Variants in PPM1B observed in about 807,000 individuals in gnomAD.
PPM1B encodes protein phosphatase 1B.
Under a neutral mutation model 43.0 loss-of-function variants are expected in PPM1B, and 22 were observed. The observed-to-expected ratio is 0.51, with a 90% CI of 0.37 to 0.73. The LOEUF is 0.73. Among genes scored for constraint, PPM1B ranks in the 30% least tolerant of loss-of-function variants. The pLI is 0.00. For synonymous variants in PPM1B, 217 were observed against 197.9 expected, an observed-to-expected ratio of 1.10 and a Z score of -0.81; for missense variants, 632 against 584.2, an observed-to-expected ratio of 1.08 and a Z score of -0.84.
downstream of PPM1B, among the ~76,000 whole-genome samples, chr2:44,238,387 T>C (rs150162385): frequency 3.6e-3 from 544 of 152,326 alleles, 3 homozygotes; most frequent in African/African-American, 0.012. Context: ...ACTTTGGTTC[T>C]ACTGAAGTAT....
chr2:44,189,368 A>G (rs1192677713), intron 1 of PPM1B, among the ~76,000 whole-genome samples: 1 of 152,078 alleles, frequency 6.6e-6, no homozygotes, highest in Non-Finnish European at 1.5e-5. Flanking sequence ...GCATGATCCT[A>G]TTTTACTACA....
intron 1 of PPM1B, among the ~76,000 whole-genome samples, chr2:44,189,000 C>T (rs986914395): frequency 1.3e-5 from 2 of 152,040 alleles, no homozygotes; most frequent in African/African-American, 4.8e-5. Context: ...TCCCGGGTAG[C>T]TGGGACTACA....
At position 44,179,611 on chromosome 2, in the gene PPM1B, G is replaced by A. The variant is rs185764312; in HGVS notation, c.-15+10337G>A. On this transcript the variant is annotated intron_variant, in intron 1 of 5. Transcript: ENST00000282412. ...GGCATAAATATGGAATTACTTTGCC[G>A]TTGGAATGCAGGTGTTTATTTTGTT... 5.9e-5 allele frequency among the ~76,000 whole-genome samples: 9 copies of A among 152,108 alleles called. No homozygotes were observed. In the South Asian group the frequency reaches 1.2e-3, roughly 21 times the overall value.
At chr2:44,209,100 A>G (rs893434736) in intron 2 of PPM1B, 110 bp from the exon 3 acceptor site, 27 of 1,005,812 alleles carry the variant, frequency 2.7e-5, no homozygotes, top group Admixed American at 1.3e-4. Context: ...TGTGTTAAAC[A>G]TAAACGTTCT....
downstream of PPM1B, among the ~76,000 whole-genome samples, chr2:44,246,077 C>G (rs1045052594): frequency 6.6e-6 from 1 of 152,278 alleles, no homozygotes; most frequent in African/African-American, 2.4e-5. Flanking sequence ...CATTATATAT[C>G]CTAACGCCAA....
chr2:44,233,312 GAT>G (rs1670521971), downstream of PPM1B: 1 of 963,736 alleles, frequency 1.0e-6, no homozygotes, highest in Admixed American at 6.2e-5. Context: ...ATACTACAGA[GAT>G]ATTTTCATGG....
downstream of PPM1B, among the ~76,000 whole-genome samples, chr2:44,246,564 C>A (rs77943285): frequency 0.029 from 4,417 of 152,236 alleles, 220 homozygotes; most frequent in African/African-American, 0.1. Context: ...TTACTCAACA[C>A]CCATTAGGTA....
chr2:44,216,901 T>C (rs1439224152), intron 3 of PPM1B, among the ~76,000 whole-genome samples: 1 of 78,406 alleles, frequency 1.3e-5, no homozygotes, highest in Non-Finnish European at 2.9e-5. Context: ...CTCCAGTGTC[T>C]CAAAAAAAAA....
chr2:44,212,650 T>TG (rs1371418970), intron 3 of PPM1B, among the ~76,000 whole-genome samples: 1 of 152,210 alleles, frequency 6.6e-6, no homozygotes, highest in African/African-American at 2.4e-5. Flanking sequence ...CCTCCATTCT[T>TG]GCCTTCTTTT....
At chr2:44,179,002 G>C (rs1421610951) in intron 1 of PPM1B, among the ~76,000 whole-genome samples, 2 of 152,158 alleles carry the variant, frequency 1.3e-5, no homozygotes, top group Non-Finnish European at 2.9e-5. Context: ...CCCCACCCAA[G>C]TCTCATCTTG....
In PPM1B at chr2:44,230,518, A is replaced by T; in HGVS notation, c.1240A>T (p.Met414Leu). 1 of 1,614,148 alleles carries T rather than the reference A, an allele frequency of 6.2e-7. No homozygotes were observed. Among genetic ancestry groups the T allele is most frequent in the Non-Finnish European group, 8.5e-7 (1 of 1,180,010 alleles). Residue 414 changes from methionine (M) to leucine (L), a missense_variant, in exon 6 of 6, where the codon ATG becomes TTG. Transcript: ENST00000282412. ...AAACTACCGACAACTTCTGGAGGAG[A>T]TGCTGACTAGTTACAGGCTAGCTAA... is the stretch of plus-strand genomic sequence containing the variant. ...RGNYRQLLEE[M>L]LTSYRLAKVE...
In PPM1B at chr2:44,211,114, T is replaced by C. The variant is rs187496264; in HGVS notation, c.964+1787T>C. On this transcript the variant is annotated intron_variant, in intron 3 of 5. Transcript: ENST00000282412. ...TCATGCCACTGTACTCTAGCCTGGA[T>C]GACAGAGCAAGACTCCATCTCGGGA... 2.7e-3 allele frequency among the ~76,000 whole-genome samples: 405 copies of C among 152,182 alleles called. 1 individual carries two copies. The highest frequency in any genetic ancestry group is 0.01 in the Middle Eastern group (3 of 294).
intron 5 of PPM1B, among the ~76,000 whole-genome samples, chr2:44,241,746 CTTCA>C (rs1262390033): frequency 6.7e-6 from 1 of 150,296 alleles, no homozygotes; most frequent in East Asian, 2.0e-4. Context: ...CATAAAATGT[CTTCA>C]AAATGATTAT....
At chr2:44,194,540 G>A (rs1481566474) in intron 1 of PPM1B, among the ~76,000 whole-genome samples, 1 of 152,008 alleles carries the variant, frequency 6.6e-6, no homozygotes, top group African/African-American at 2.4e-5. Flanking sequence ...TAGCTAACAC[G>A]GTGAAACCCC....
chr2:44,199,892 T>A (rs945351436), intron 1 of PPM1B, among the ~76,000 whole-genome samples: 3 of 152,184 alleles, frequency 2.0e-5, no homozygotes, highest in African/African-American at 7.2e-5. Flanking sequence ...CAGATTTTTT[T>A]AAATGGCGAT....
chr2:44,186,446 G>T (rs1242844355), intron 1 of PPM1B, among the ~76,000 whole-genome samples: 1 of 152,100 alleles, frequency 6.6e-6, no homozygotes, highest in Admixed American at 6.6e-5. Context: ...TCAGCTCACT[G>T]CACCCTCCAC....
At chr2:44,238,338 A>G (rs1454321157), downstream of PPM1B, among the ~76,000 whole-genome samples, 2 of 152,216 alleles carry the variant, frequency 1.3e-5, no homozygotes, top group African/African-American at 2.4e-5. Flanking sequence ...AATATTTGCT[A>G]TTAAAATTGT....
At chr2:44,232,824 C>G, downstream of PPM1B, 2 of 975,998 alleles carry the variant, frequency 2.0e-6, no homozygotes, top group Non-Finnish European at 2.4e-6. Flanking sequence ...TTCATTTGAG[C>G]AATTTCTATA....
intron 3 of PPM1B, 96 bp downstream of exon 3, chr2:44,209,423 CT>C: frequency 7.6e-7 from 1 of 1,323,754 alleles, no homozygotes; most frequent in Non-Finnish European, 1.0e-6. Flanking sequence ...CACACCAAGG[CT>C]CTGTCTCAAA....
Sources: allele counts gnomAD v4.1 joint callset (sites outside exome capture counted in the v4.1 genomes callset), GRCh38; gene constraint gnomAD v4.1.1; transcripts MANE v1.5; gene names NCBI Gene and HGNC (gene_info 2026-07-23, HGNC 2026-07-21).